The following FGF13 variants were observed in gnomAD, a reference collection of about 807,000 sequenced individuals.
The protein encoded by FGF13 is fibroblast growth factor homologous factor 2.
Under a neutral mutation model 19.5 loss-of-function variants are expected in FGF13, and 2 were observed. The observed-to-expected ratio is 0.10, with a 90% CI of 0.04 to 0.32. FGF13 has a LOEUF of 0.32. Among genes scored for constraint, FGF13 ranks in the 10% least tolerant of loss-of-function variants. The pLI is 1.00. For missense variants in FGF13, 113 were observed against 192.7 expected (o/e 0.59, Z 2.45); for synonymous variants, 72 against 76.9 (o/e 0.94, Z 0.33).
chrX:139,050,174 T>C (rs1041928065), intron 1 of FGF13, among the ~76,000 whole-genome samples: 1 of 111,071 alleles, frequency 9.0e-6, no homozygotes, highest in Non-Finnish European at 1.9e-5. Flanking sequence ...TGTGATACAA[T>C]GAGATGAGGT....
chrX:138,733,192 CTTATTT>C (rs1317771649), intron 1 of FGF13, among the ~76,000 whole-genome samples: 1 of 111,660 alleles, frequency 9.0e-6, no homozygotes, highest in Non-Finnish European at 1.9e-5. Context: ...TGAGCTGACA[CTTATTT>C]TTAGTTGGAT....
chrX:139,115,149 G>A (rs746017251), intron 1 of FGF13, among the ~76,000 whole-genome samples: 7 of 111,090 alleles, frequency 6.3e-5, no homozygotes, highest in Non-Finnish European at 1.3e-4. Flanking sequence ...AACTCTTGCC[G>A]TTCCTCTAAA....
intron 3 of FGF13, among the ~76,000 whole-genome samples, chrX:138,764,094 A>G (rs1602805439): frequency 9.0e-6 from 1 of 111,590 alleles, no homozygotes; most frequent in Non-Finnish European, 1.9e-5. Flanking sequence ...TTAGACCCTG[A>G]GCTGAGAAGC....
At chrX:139,041,784 T>A (rs2092270792) in intron 1 of FGF13, among the ~76,000 whole-genome samples, 1 of 111,961 alleles carries the variant, frequency 8.9e-6, no homozygotes, top group Admixed American at 9.5e-5. Flanking sequence ...TGAATTTAAT[T>A]TAATGTATAA....
At chrX:138,920,084 A>G (rs1377811965) in intron 1 of FGF13, among the ~76,000 whole-genome samples, 2 of 111,480 alleles carry the variant, frequency 1.8e-5, no homozygotes, top group African/African-American at 6.5e-5. Context: ...AGGCCAAATG[A>G]CATTTGTTTA....
At chrX:139,067,517 T>G (rs768203378) in intron 1 of FGF13, among the ~76,000 whole-genome samples, 1 of 111,395 alleles carries the variant, frequency 9.0e-6, no homozygotes, top group South Asian at 3.8e-4. Flanking sequence ...AAATCATGAG[T>G]GAAGTCCCAT....
intron 1 of FGF13, among the ~76,000 whole-genome samples, chrX:139,049,527 A>G (rs2103609): frequency 0.021 from 2,333 of 112,499 alleles, 75 homozygotes; most frequent in African/African-American, 0.071. Flanking sequence ...GAATGTCAGA[A>G]GACTGACTTG....
chrX:138,742,729 T>C (rs954973413), upstream of FGF13, among the ~76,000 whole-genome samples: 2 of 112,118 alleles, frequency 1.8e-5, no homozygotes, highest in African/African-American at 6.5e-5. Context: ...ATCAATACTC[T>C]GCCCTCTTCT....
At chrX:138,770,132 T>C (rs891179636) in intron 3 of FGF13, among the ~76,000 whole-genome samples, 1 of 112,188 alleles carries the variant, frequency 8.9e-6, no homozygotes, top group African/African-American at 3.2e-5. Context: ...AGTCCTGCCA[T>C]GTATTCAATC....
intron 1 of FGF13, among the ~76,000 whole-genome samples, chrX:139,144,819 T>C (rs953656954): frequency 4.5e-5 from 5 of 111,229 alleles, no homozygotes; most frequent in Non-Finnish European, 9.4e-5. Flanking sequence ...AAAGACCTTA[T>C]ATTTTGTGAG....
chrX:138,959,054 C>T (rs2091856302), intron 1 of FGF13, among the ~76,000 whole-genome samples: 1 of 111,435 alleles, frequency 9.0e-6, no homozygotes, highest in Admixed American at 9.6e-5. Context: ...AATTTCTTGC[C>T]TTCTGCTAGC....
chrX:138,989,594 G>T (rs2092006747), intron 1 of FGF13, among the ~76,000 whole-genome samples: 1 of 111,256 alleles, frequency 9.0e-6, no homozygotes, highest in Non-Finnish European at 1.9e-5. Flanking sequence ...AGCTATAAGA[G>T]AAATTATCAC....
At chrX:139,179,383 A>C (rs1486467652) in intron 1 of FGF13, among the ~76,000 whole-genome samples, 1 of 110,706 alleles carries the variant, frequency 9.0e-6, no homozygotes, top group African/African-American at 3.3e-5. Context: ...GCAAAAAATC[A>C]GTTTTCATTT....
intron 1 of FGF13, among the ~76,000 whole-genome samples, chrX:139,052,651 C>G (rs1447889897): frequency 3.6e-5 from 4 of 111,179 alleles, no homozygotes; most frequent in Non-Finnish European, 7.5e-5. Flanking sequence ...TTTCTCAAAA[C>G]ACTCCTGTCA....
intron 1 of FGF13, among the ~76,000 whole-genome samples, chrX:139,016,084 C>G (rs1259265652): frequency 9.0e-6 from 1 of 111,474 alleles, no homozygotes; most frequent in African/African-American, 3.3e-5. Flanking sequence ...ATGAAACTGC[C>G]CATCTCCTTG....
chrX:138,930,600 C>T (rs1029052711), intron 1 of FGF13, among the ~76,000 whole-genome samples: 5 of 111,931 alleles, frequency 4.5e-5, no homozygotes, highest in Admixed American at 3.8e-4. Flanking sequence ...TGTTCAGTGT[C>T]ATTTCTCATC....
At chrX:138,648,545 CTG>C (rs763903173) in intron 3 of FGF13, among the ~76,000 whole-genome samples, 3 of 111,749 alleles carry the variant, frequency 2.7e-5, no homozygotes, top group Non-Finnish European at 5.6e-5. Context: ...AAGATAGTCT[CTG>C]TGGGTAGAGA....
intron 1 of FGF13, among the ~76,000 whole-genome samples, chrX:139,040,472 C>T (rs960382765): frequency 9.0e-6 from 1 of 111,040 alleles, no homozygotes; most frequent in Non-Finnish European, 1.9e-5. Flanking sequence ...CATCAAAAGA[C>T]ACTTAAAAAC....
At chrX:138,834,274 G>A (rs941578033) in intron 3 of FGF13, among the ~76,000 whole-genome samples, 1 of 111,579 alleles carries the variant, frequency 9.0e-6, no homozygotes, top group Non-Finnish European at 1.9e-5. Flanking sequence ...AATCCCTCTG[G>A]TCCTGGACTT....
Sources: allele counts gnomAD v4.1 joint callset (sites outside exome capture counted in the v4.1 genomes callset), GRCh38; gene constraint gnomAD v4.1.1; transcripts MANE v1.5; gene names NCBI Gene and HGNC (gene_info 2026-07-23, HGNC 2026-07-21).